The following IMMP2L variants were observed in gnomAD, a reference collection of about 807,000 sequenced individuals.
IMMP2L encodes the protein mitochondrial inner membrane protease subunit 2.
Under a neutral mutation model 19.3 loss-of-function variants are expected in IMMP2L, and 18 were observed. That is an observed-to-expected ratio of 0.93 (90% CI 0.64 to 1.38). IMMP2L has a LOEUF of 1.38. Among genes scored for constraint, IMMP2L ranks in the 40% most tolerant of loss-of-function variants. The pLI, the probability that IMMP2L is intolerant of heterozygous loss-of-function variation, is 0.00. For missense variants in IMMP2L, 233 were observed against 218.2 expected (o/e 1.07, Z -0.43); for synonymous variants, 76 against 73.0 (o/e 1.04, Z -0.21).
intron 3 of IMMP2L, among the ~76,000 whole-genome samples, chr7:110,997,379 A>T (rs1224718041): frequency 6.6e-6 from 1 of 152,082 alleles, no homozygotes. Flanking sequence ...TGTTTGTATC[A>T]ATGTAAGTTT....
At chr7:110,935,049 C>T (rs1044433701) in intron 4 of IMMP2L, among the ~76,000 whole-genome samples, 1 of 152,110 alleles carries the variant, frequency 6.6e-6, no homozygotes, top group Non-Finnish European at 1.5e-5. Flanking sequence ...ATGATAATAG[C>T]TGGTTATTTT....
chr7:110,727,863 T>C lies in IMMP2L; in HGVS notation c.409-64142A>G, dbSNP rs1457596691. Among the ~76,000 whole-genome samples, 1 of 152,154 alleles carries C rather than the reference T, an allele frequency of 6.6e-6. No individual in the cohort carries two copies. The highest frequency in any genetic ancestry group is 1.5e-5 in the Non-Finnish European group (1 of 68,034). On this transcript the variant is annotated intron_variant, in intron 5 of 5. Coordinates refer to ENST00000405709, the MANE Select transcript of IMMP2L (RefSeq NM_032549.4). The surrounding 1 kb of genome is among the most constrained non-coding windows in gnomAD (Gnocchi z 4.3). ...TGGATTTAAACAGATATGAGGTAAA[T>C]TTTTACAAATAATTACATCTAACAA...
At chr7:110,747,181 C>A (rs1584704334) in intron 5 of IMMP2L, among the ~76,000 whole-genome samples, 1 of 151,970 alleles carries the variant, frequency 6.6e-6, no homozygotes, top group South Asian at 2.1e-4. Flanking sequence ...ACACATACAC[C>A]CTCCTAAGAC....
chr7:111,059,044 G>A (rs895951157), intron 3 of IMMP2L, among the ~76,000 whole-genome samples: 11 of 151,932 alleles, frequency 7.2e-5, no homozygotes, highest in African/African-American at 1.2e-4. Context: ...GTGCAGTGGC[G>A]CAATCTCGGC....
chr7:110,697,014 C>G (rs1236329513), intron 5 of IMMP2L, among the ~76,000 whole-genome samples: 1 of 152,076 alleles, frequency 6.6e-6, no homozygotes, highest in Non-Finnish European at 1.5e-5. Flanking sequence ...AAATTCGATT[C>G]AAGTTTGTTA....
intron 3 of IMMP2L, among the ~76,000 whole-genome samples, chr7:111,484,587 C>T (rs1842467204): frequency 6.6e-6 from 1 of 151,866 alleles, no homozygotes; most frequent in African/African-American, 2.4e-5. Flanking sequence ...TAGGATGTTC[C>T]AATGTAGTAA....
intron 3 of IMMP2L, among the ~76,000 whole-genome samples, chr7:111,418,562 T>G (rs1489714209): frequency 6.6e-6 from 1 of 151,846 alleles, no homozygotes; most frequent in Admixed American, 6.6e-5. Context: ...ACAAATGTCA[T>G]TCCTAGTAAT....
chr7:111,392,206 T>C (rs1832425078), intron 3 of IMMP2L, among the ~76,000 whole-genome samples: 1 of 152,112 alleles, frequency 6.6e-6, no homozygotes, highest in African/African-American at 2.4e-5. Flanking sequence ...TTCCAATGGA[T>C]ATACTGTCTA....
At chr7:110,823,215 CT>C (rs1803192756) in intron 5 of IMMP2L, among the ~76,000 whole-genome samples, 1 of 151,944 alleles carries the variant, frequency 6.6e-6, no homozygotes, top group Non-Finnish European at 1.5e-5. Context: ...ATTGAATTGA[CT>C]TTTTTCTTTC....
chr7:110,894,813 G>A (rs548928263), intron 4 of IMMP2L, among the ~76,000 whole-genome samples: 29 of 151,848 alleles, frequency 1.9e-4, no homozygotes, highest in South Asian at 1.7e-3. Context: ...TGTTTTCTTC[G>A]TCTGGTTTTA....
chr7:111,002,216 T>C (rs981634281), intron 3 of IMMP2L, among the ~76,000 whole-genome samples: 2 of 152,098 alleles, frequency 1.3e-5, no homozygotes, highest in Non-Finnish European at 2.9e-5. Flanking sequence ...ACACAAGGTA[T>C]AGGTAAAAAT....
At chr7:110,914,032 T>C (rs1416429270) in intron 4 of IMMP2L, among the ~76,000 whole-genome samples, 1 of 152,132 alleles carries the variant, frequency 6.6e-6, no homozygotes, top group African/African-American at 2.4e-5. Flanking sequence ...CTCCAGAAAG[T>C]CAACCAGCAA....
rs1422758546 is a variant in IMMP2L at position 111,083,441 on chromosome 7, A to ATGAATATT, written c.240-119884_240-119877dup. Among the ~76,000 whole-genome samples the ATGAATATT allele has an allele frequency of 2.0e-5, 3 of 152,200 alleles. No individual in the cohort carries two copies. In the East Asian group the frequency reaches 5.8e-4, roughly 29 times the overall value. On this transcript the variant is annotated intron_variant, in intron 3 of 5. Transcript: ENST00000405709. ...ATAGCTAAATTGTTAGTCTTCTACC[A>ATGAATATT]TGAATATTTTTTGTCAATCTGGTTA...
At chr7:111,373,279 C>T (rs1830407609) in intron 3 of IMMP2L, among the ~76,000 whole-genome samples, 2 of 152,012 alleles carry the variant, frequency 1.3e-5, no homozygotes, top group South Asian at 4.2e-4. Context: ...AAAAGGTTAA[C>T]ATACTGGAAG....
At chr7:111,135,314 A>G (rs1802229742) in intron 3 of IMMP2L, among the ~76,000 whole-genome samples, 1 of 152,158 alleles carries the variant, frequency 6.6e-6, no homozygotes, top group Non-Finnish European at 1.5e-5. Context: ...TATGCCTGGG[A>G]TTTAATTTAT....
At chr7:111,268,996 G>T (rs13244469) in intron 3 of IMMP2L, among the ~76,000 whole-genome samples, 5,400 of 152,108 alleles carry the variant, frequency 0.036, 135 homozygotes, top group South Asian at 0.09. Flanking sequence ...TCTAAAGTAG[G>T]TGGAGCAAGG....
chr7:111,397,159 A>G (rs1276749828), intron 3 of IMMP2L, among the ~76,000 whole-genome samples: 1 of 152,124 alleles, frequency 6.6e-6, no homozygotes, highest in Non-Finnish European at 1.5e-5. Flanking sequence ...TCCAATATTT[A>G]CATTCTCTGT....
At chr7:111,353,956 C>A (rs1288574028) in intron 3 of IMMP2L, among the ~76,000 whole-genome samples, 1 of 151,958 alleles carries the variant, frequency 6.6e-6, no homozygotes, top group Non-Finnish European at 1.5e-5. Flanking sequence ...ACATAGGGTC[C>A]TCTGACAGAA....
intron 3 of IMMP2L, among the ~76,000 whole-genome samples, chr7:111,218,458 G>T (rs1562938509): frequency 6.7e-6 from 1 of 149,914 alleles, no homozygotes; most frequent in Non-Finnish European, 1.5e-5. Context: ...AGTTTTATCA[G>T]TTTTTTTTTT....
Sources: allele counts gnomAD v4.1 joint callset (sites outside exome capture counted in the v4.1 genomes callset), GRCh38; gene constraint gnomAD v4.1.1; non-coding constraint Gnocchi (gnomAD v3.1); transcripts MANE v1.5; gene names NCBI Gene and HGNC (gene_info 2026-07-23, HGNC 2026-07-21).